RIPOR3: variants seen among roughly 807,000 people sequenced by gnomAD.
The protein encoded by RIPOR3 is RIPOR family member 3.
In RIPOR3, 95 loss-of-function variants were observed where a neutral mutation model predicts 114.3. That is an observed-to-expected ratio of 0.83 (90% CI 0.70 to 0.99). RIPOR3 has a LOEUF of 0.99. Among genes scored for constraint, RIPOR3 ranks in the 50% least tolerant of loss-of-function variants. The pLI, the probability that RIPOR3 is intolerant of heterozygous loss-of-function variation, is 0.00. For missense variants in RIPOR3, 1,252 were observed against 1,266.9 expected (o/e 0.99, Z 0.18); for synonymous variants, 575 against 543.8 (o/e 1.06, Z -0.80).
At chr20:50,629,607 A>G (rs1367657144) in intron 2 of RIPOR3, among the ~76,000 whole-genome samples, 1 of 152,112 alleles carries the variant, frequency 6.6e-6, no homozygotes, top group Non-Finnish European at 1.5e-5. Flanking sequence ...CACAGGGTCA[A>G]TGCTGCCCCC....
intron 2 of RIPOR3, among the ~76,000 whole-genome samples, chr20:50,625,211 C>T (rs2084574512): frequency 6.6e-6 from 1 of 152,138 alleles, no homozygotes; most frequent in Non-Finnish European, 1.5e-5. Context: ...GCTGGGACCA[C>T]AGGAGTGCAC....
chr20:50,597,673 C>G lies in RIPOR3; in HGVS notation c.1697G>C (p.Ser566Thr). 1 of 1,612,146 alleles carries G rather than the reference C, an allele frequency of 6.2e-7. No homozygotes were observed. The highest frequency in any genetic ancestry group is 8.5e-7 in the Non-Finnish European group (1 of 1,179,246). ...GCTCTCCAGGATGCACTCCATCAGG[C>G]TCTCGGCCGAGGTGTGCTCCTGCCG... ...RARQEHTSAE[S>T]LMECILESFA... The change falls in exon 14 of 22, where the codon AGC becomes ACC. Residue 566 changes from serine (S) to threonine (T), a missense_variant. By Grantham distance (58) the Ser-to-Thr change is moderately conservative (BLOSUM62 1). Coordinates refer to ENST00000327979, the MANE Select transcript of RIPOR3 (RefSeq NM_001290268.2).
intron 2 of RIPOR3, 97 bp downstream of exon 2, chr20:50,630,641 G>A (rs958489404): frequency 2.0e-5 from 21 of 1,035,152 alleles, no homozygotes; most frequent in Non-Finnish European, 2.7e-5. Flanking sequence ...GTGGGCCTTC[G>A]GGTCTCTGGC....
At chr20:50,631,911 G>A (rs887268207) in intron 1 of RIPOR3, among the ~76,000 whole-genome samples, 1 of 152,160 alleles carries the variant, frequency 6.6e-6, no homozygotes, top group Non-Finnish European at 1.5e-5. Context: ...CCAGGGTGGT[G>A]TCAATCCAAG....
intron 4 of RIPOR3, among the ~76,000 whole-genome samples, chr20:50,613,686 A>T (rs889312617): frequency 6.6e-6 from 1 of 152,178 alleles, no homozygotes; most frequent in Non-Finnish European, 1.5e-5. Context: ...CAGCTAAAAC[A>T]TACAAGTATT....
rs116541214 is a variant in RIPOR3 at position 50,604,718 on chromosome 20, A to C, written c.1013T>G (p.Met338Arg). 1 of 1,609,602 alleles carries C rather than the reference A, an allele frequency of 6.2e-7. No individual in the cohort carries two copies. Among genetic ancestry groups the C allele is most frequent in the Non-Finnish European group, 8.5e-7 (1 of 1,178,354 alleles). ...VSPSPTGKFSMGSRKGSLYNW... is the reference protein window; with the variant it reads ...VSPSPTGKFSRGSRKGSLYNW... ...GTACAAGGAGCCCTTCCTGCTGCCC[A>C]TAGAAAACTTGCCCGTGGGGCTGGG... The change falls in exon 12 of 22, where the codon ATG becomes AGG. Residue 338 changes from methionine to arginine, a missense_variant. By Grantham distance (91) the Met-to-Arg change is moderately conservative. Transcript: ENST00000327979.
rs111997425 is a variant in RIPOR3 at position 50,620,133 on chromosome 20, CTG to C, written c.123-3_123-2del. The C allele has an allele frequency of 6.2e-7, 1 of 1,613,684 alleles. No homozygotes were observed. ...CACGGAGTTCCTGTTGATGGACTTT[CTG>C]TGAGAAGGGTTGGAGGGCAAGAGAA... On this transcript the variant is annotated splice_acceptor_variant and splice_polypyrimidine_tract_variant and intron_variant, in intron 2 of 21. Coordinates refer to ENST00000327979, the MANE Select transcript of RIPOR3 (RefSeq NM_001290268.2). LOFTEE classifies it high-confidence loss of function.
chr20:50,586,912 C>A lies in RIPOR3; in HGVS notation c.*320G>T. ...GGCCTCAACTTGCCTGGCCTTGGCC[C>A]TTTTGTAGGTGGCCACCTAGTTTGG... On this transcript the variant is annotated 3_prime_UTR_variant, in exon 22 of 22. Coordinates refer to ENST00000327979, the MANE Select transcript of RIPOR3 (RefSeq NM_001290268.2). 7.2e-6 allele frequency: 2 copies of A among 276,746 alleles called. No homozygotes were observed. The highest frequency in any genetic ancestry group is 6.9e-6 in the Non-Finnish European group (1 of 145,014). The allele number at this position is 276,746 out of a possible 1,614,324, so 17.1% of individuals were successfully genotyped here.
chr20:50,593,793 G>A (rs1267222329), intron 17 of RIPOR3, among the ~76,000 whole-genome samples: 1 of 152,188 alleles, frequency 6.6e-6, no homozygotes, highest in Non-Finnish European at 1.5e-5. Context: ...AAGCAGTCCA[G>A]GTGGTGCTTG....
intron 2 of RIPOR3, among the ~76,000 whole-genome samples, chr20:50,624,794 CCTT>C (rs201245568): frequency 0.019 from 2,849 of 152,348 alleles, 37 homozygotes; most frequent in Middle Eastern, 0.041. Flanking sequence ...CTACAGCAGT[CCTT>C]CTGCCTGGTG....
chr20:50,626,367 G>A (rs2084620020), intron 2 of RIPOR3, among the ~76,000 whole-genome samples: 1 of 152,242 alleles, frequency 6.6e-6, no homozygotes, highest in Non-Finnish European at 1.5e-5. Flanking sequence ...GGGGACAGGA[G>A]GGGTCTGAGA....
intron 1 of RIPOR3, among the ~76,000 whole-genome samples, chr20:50,666,181 C>CCTTCCCTTCCCTTT (rs1600720832): frequency 6.7e-5 from 1 of 14,926 alleles, no homozygotes; most frequent in African/African-American, 9.2e-5. Flanking sequence ...GAAAGGACAC[C>CCTTCCCTTCCCTTT]CATTTCTTTT....
At chr20:50,642,180 C>A (rs1389722039) in intron 1 of RIPOR3, among the ~76,000 whole-genome samples, 1 of 152,062 alleles carries the variant, frequency 6.6e-6, no homozygotes, top group African/African-American at 2.4e-5. Context: ...TTAGGTTTAC[C>A]GGCTTCCCAA....
chr20:50,609,948 CA>C (rs2083891768), intron 6 of RIPOR3, among the ~76,000 whole-genome samples: 3 of 148,502 alleles, frequency 2.0e-5, no homozygotes, highest in African/African-American at 5.0e-5. Flanking sequence ...TCACCTGCCT[CA>C]CCTGCCACCA....
intron 1 of RIPOR3, among the ~76,000 whole-genome samples, chr20:50,676,719 T>A (rs1335120930): frequency 1.3e-5 from 2 of 150,888 alleles, no homozygotes; most frequent in Non-Finnish European, 2.9e-5. Flanking sequence ...CCCTAAGGGC[T>A]CCACAACATC....
chr20:50,610,342 C>T (rs1425843095), intron 6 of RIPOR3, among the ~76,000 whole-genome samples: 1 of 152,172 alleles, frequency 6.6e-6, no homozygotes, highest in Non-Finnish European at 1.5e-5. Context: ...TCTGTCCCTT[C>T]ACCTCCTCTG....
chr20:50,646,191 G>A (rs193150953), intron 1 of RIPOR3, among the ~76,000 whole-genome samples: 108 of 151,998 alleles, frequency 7.1e-4, no homozygotes, highest in South Asian at 2.9e-3. Context: ...GCAGTGGTGC[G>A]GTCACAGCTC....
At chr20:50,636,786 C>T (rs370808789) in intron 1 of RIPOR3, 15 of 985,330 alleles carry the variant, frequency 1.5e-5, no homozygotes, top group East Asian at 1.1e-4. Context: ...TAAGTCTGTC[C>T]GCTCACTGCT....
At chr20:50,626,625 G>T (rs2084630067) in intron 2 of RIPOR3, among the ~76,000 whole-genome samples, 1 of 152,240 alleles carries the variant, frequency 6.6e-6, no homozygotes, top group Non-Finnish European at 1.5e-5. Flanking sequence ...ACATTCAGAG[G>T]CCCCCACAGG....
Sources: gnomAD v4.1 joint callset for allele counts (sites outside exome capture counted in the v4.1 genomes callset) on GRCh38, gnomAD v4.1.1 for gene constraint, MANE v1.5 for transcripts, NCBI Gene and HGNC (gene_info 2026-07-23, HGNC 2026-07-21) for gene names.